The following COL23A1 variants were observed in gnomAD, a reference collection of about 807,000 sequenced individuals.
COL23A1 encodes the protein collagen type XXIII alpha 1 chain.
COL23A1 carries 97 observed loss-of-function variants against 99.3 expected under a neutral mutation model. The ratio of observed to expected loss-of-function variants is 0.98; its 90% CI spans 0.83 to 1.16. The LOEUF is 1.16. Among genes scored for constraint, COL23A1 ranks in the 50% most tolerant of loss-of-function variants. The pLI, the probability that COL23A1 is intolerant of heterozygous loss-of-function variation, is 0.00. For missense variants in COL23A1, 762 were observed against 757.4 expected (o/e 1.01, Z -0.07); for synonymous variants, 320 against 308.2 (o/e 1.04, Z -0.40).
intron 4 of COL23A1, 103 bp from the exon 5 acceptor site, chr5:178,288,453 G>A: frequency 1.0e-6 from 1 of 978,354 alleles, no homozygotes. Context: ...CCCCCCGACA[G>A]CTGGTTGGTG....
intron 2 of COL23A1, among the ~76,000 whole-genome samples, chr5:178,422,447 C>T (rs1353280754): frequency 6.6e-6 from 1 of 152,192 alleles, no homozygotes; most frequent in Non-Finnish European, 1.5e-5. Context: ...AGACATTTGG[C>T]TCTGGGGACT....
chr5:178,239,058 G>A, intron 28 of COL23A1, 83 bp downstream of exon 28: 1 of 1,471,990 alleles, frequency 6.8e-7, no homozygotes, highest in Non-Finnish European at 9.5e-7. Context: ...TTGAGTGACA[G>A]CACCCAGGCT....
chr5:178,529,103 C>G, intron 2 of COL23A1, among the ~76,000 whole-genome samples: 1 of 152,212 alleles, frequency 6.6e-6, no homozygotes, highest in East Asian at 1.9e-4. Flanking sequence ...AGGGAGTTAT[C>G]TAAGATGTCT....
intron 8 of COL23A1, among the ~76,000 whole-genome samples, chr5:178,264,788 G>C (rs891258583): frequency 1.3e-5 from 2 of 152,118 alleles, no homozygotes; most frequent in Non-Finnish European, 2.9e-5. Context: ...TCCCGAGTAG[G>C]TGGGATTATT....
intron 2 of COL23A1, among the ~76,000 whole-genome samples, chr5:178,462,994 G>A (rs1033222964): frequency 6.6e-6 from 1 of 152,250 alleles, no homozygotes; most frequent in Non-Finnish European, 1.5e-5. Flanking sequence ...GCTGAAGGCT[G>A]GCACCATGTA....
At chr5:178,333,243 A>G (rs1760134938) in intron 2 of COL23A1, among the ~76,000 whole-genome samples, 1 of 152,148 alleles carries the variant, frequency 6.6e-6, no homozygotes, top group African/African-American at 2.4e-5. Context: ...GGCGTGAGCC[A>G]CCGCGCCCGG....
chr5:178,368,542 G>T (rs1246834284), intron 2 of COL23A1, among the ~76,000 whole-genome samples: 1 of 152,190 alleles, frequency 6.6e-6, no homozygotes, highest in Non-Finnish European at 1.5e-5. Context: ...CACCGCTATA[G>T]TATCACACGG....
chr5:178,552,895 G>T (rs1178957623), intron 2 of COL23A1, among the ~76,000 whole-genome samples: 1 of 151,770 alleles, frequency 6.6e-6, no homozygotes, highest in South Asian at 2.1e-4. Flanking sequence ...TGTATTTTTA[G>T]TAGAGGATTT....
At chr5:178,487,288 T>TTTTTA (rs773272887) in intron 2 of COL23A1, among the ~76,000 whole-genome samples, 3 of 116,460 alleles carry the variant, frequency 2.6e-5, no homozygotes, top group African/African-American at 9.7e-5. Flanking sequence ...CCAGCCTCAG[T>TTTTTA]TTTATTTATT....
intron 2 of COL23A1, among the ~76,000 whole-genome samples, chr5:178,312,519 C>CA (rs1354693218): frequency 6.6e-6 from 1 of 152,224 alleles, no homozygotes; most frequent in African/African-American, 2.4e-5. Flanking sequence ...CGAACCCCAA[C>CA]AGGCTTCCTC....
chr5:178,398,807 C>T (rs112546783), intron 2 of COL23A1, among the ~76,000 whole-genome samples: 1 of 152,210 alleles, frequency 6.6e-6, no homozygotes, highest in Non-Finnish European at 1.5e-5. Flanking sequence ...GGAAAGGGAT[C>T]CCCTAGGCAC....
intron 17 of COL23A1, among the ~76,000 whole-genome samples, chr5:178,251,292 A>T (rs944674393): frequency 6.6e-6 from 1 of 152,174 alleles, no homozygotes. Context: ...AAGTGCTGAG[A>T]TTACAGGCGT....
intron 2 of COL23A1, among the ~76,000 whole-genome samples, chr5:178,383,896 G>GCAGAGA (rs1334113461): frequency 6.6e-6 from 1 of 151,490 alleles, no homozygotes; most frequent in Non-Finnish European, 1.5e-5. Context: ...AAAAAAAAAG[G>GCAGAGA]CAGAGACGAA....
At chr5:178,311,413 A>G (rs1384608219) in intron 2 of COL23A1, among the ~76,000 whole-genome samples, 2 of 152,184 alleles carry the variant, frequency 1.3e-5, no homozygotes, top group Admixed American at 1.3e-4. Flanking sequence ...TTGGGACCCC[A>G]AGAAATAACT....
chr5:178,406,765 G>A (rs1336547542), intron 2 of COL23A1, among the ~76,000 whole-genome samples: 1 of 152,042 alleles, frequency 6.6e-6, no homozygotes, highest in East Asian at 1.9e-4. Flanking sequence ...AATAATATTG[G>A]GATTCACGTG....
intron 2 of COL23A1, among the ~76,000 whole-genome samples, chr5:178,487,522 C>T (rs770637498): frequency 3.3e-5 from 5 of 152,096 alleles, no homozygotes; most frequent in Admixed American, 6.5e-5. Context: ...TTTAAAGGAA[C>T]TTAAAATGGT....
Position 178,255,547 on chromosome 5 carries a change from G to A in COL23A1, c.883-521C>T, listed in dbSNP as rs558978708. On this transcript the variant is annotated intron_variant, in intron 15 of 28. Transcript: ENST00000390654. This position sits in a 1 kb window ranked among gnomAD's most constrained non-coding sequence, Gnocchi z 4.2. ...TCATTGTGCACACTCACACGTGCAC[G>A]CATGGCTGCTGGCCAGCCCTTCCCT... Among the ~76,000 whole-genome samples, 8 of 152,198 alleles carry A rather than the reference G, an allele frequency of 5.3e-5. No homozygotes were observed. The South Asian group carries it at 1.5e-3, about 28-fold the overall frequency.
At chr5:178,258,968 G>A (rs1285460299) in intron 12 of COL23A1, among the ~76,000 whole-genome samples, 7 of 149,300 alleles carry the variant, frequency 4.7e-5, no homozygotes, top group Admixed American at 2.0e-4. Flanking sequence ...GCAGGTTGGA[G>A]TGCAGTGGCG....
intron 2 of COL23A1, among the ~76,000 whole-genome samples, chr5:178,392,129 T>G (rs1362329051): frequency 3.9e-5 from 6 of 151,904 alleles, no homozygotes; most frequent in Non-Finnish European, 4.4e-5. Context: ...TTTTTTTTTT[T>G]TTTTTTTGGT....
Sources: allele counts gnomAD v4.1 joint callset (sites outside exome capture counted in the v4.1 genomes callset), GRCh38; gene constraint gnomAD v4.1.1; non-coding constraint Gnocchi (gnomAD v3.1); transcripts MANE v1.5; gene names NCBI Gene and HGNC (gene_info 2026-07-23, HGNC 2026-07-21).